Variants in DACH2 observed in about 807,000 individuals in gnomAD.
The protein encoded by DACH2 is dachshund family transcription factor 2.
In DACH2, 17 loss-of-function variants were observed where a neutral mutation model predicts 35.8. That is an observed-to-expected ratio of 0.48 (90% CI 0.33 to 0.71). The LOEUF is 0.71. Ranked by LOEUF, DACH2 falls within the 30% of genes least tolerant of loss-of-function variation. The probability of loss-of-function intolerance (pLI) is 0.02; values close to 1 mark genes in which losing one functional copy is unlikely to be tolerated. For synonymous variants in DACH2, 195 were observed against 177.3 expected (o/e 1.10, Z -0.79); for missense variants, 469 against 472.7 (o/e 0.99, Z 0.07).
intron 1 of DACH2, among the ~76,000 whole-genome samples, chrX:86,179,553 G>A (rs1352358924): frequency 2.7e-5 from 3 of 111,817 alleles, no homozygotes; most frequent in Non-Finnish European, 5.7e-5. Context: ...AGGCTAATAC[G>A]TACTATCCAT....
intron 5 of DACH2, among the ~76,000 whole-genome samples, chrX:86,701,092 A>T (rs944559101): frequency 2.7e-5 from 3 of 111,655 alleles, no homozygotes; most frequent in African/African-American, 9.8e-5. Flanking sequence ...TCCTTGATGA[A>T]CACAGTTGGA....
chrX:86,638,183 T>C (rs1176797282), intron 3 of DACH2, among the ~76,000 whole-genome samples: 1 of 111,847 alleles, frequency 8.9e-6, no homozygotes, highest in Non-Finnish European at 1.9e-5. Context: ...CCCTCTTCAA[T>C]GGTGCTGGGA....
intron 3 of DACH2, among the ~76,000 whole-genome samples, chrX:86,562,155 G>A (rs946484692): frequency 9.1e-6 from 1 of 110,342 alleles, no homozygotes; most frequent in African/African-American, 3.3e-5. Flanking sequence ...TTTTCATGGG[G>A]GTGGCCAGGT....
intron 2 of DACH2, among the ~76,000 whole-genome samples, chrX:86,405,544 GTC>G (rs1429300880): frequency 9.0e-6 from 1 of 111,362 alleles, no homozygotes; most frequent in Non-Finnish European, 1.9e-5. Flanking sequence ...CATTCAACAA[GTC>G]TCTAGGACGT....
chrX:86,203,580 G>T (rs1451177771), intron 1 of DACH2, among the ~76,000 whole-genome samples: 3 of 111,846 alleles, frequency 2.7e-5, no homozygotes, highest in African/African-American at 9.7e-5. Context: ...CAACCGAATT[G>T]TTTATCAACA....
At position 86,328,059 on chromosome X, in the gene DACH2, A is replaced by AT. The variant is rs910331295; in HGVS notation, c.489-48758dup. ...ACTTTATTTCTCAGCAGATTTCTTT[A>AT]TTTTTTTCATTTCTCATCAGAAATA... On this transcript the variant is annotated intron_variant, in intron 1 of 11. Transcript: ENST00000373125. Among the ~76,000 whole-genome samples, 17 of 110,431 alleles carry AT rather than the reference A, an allele frequency of 1.5e-4. 1 individual carries two copies. Among genetic ancestry groups the AT allele is most frequent in the East Asian group, 8.6e-4 (3 of 3,499 alleles).
chrX:86,459,129 T>C (rs914875296), intron 2 of DACH2, among the ~76,000 whole-genome samples: 1 of 112,074 alleles, frequency 8.9e-6, no homozygotes, highest in Non-Finnish European at 1.9e-5. Flanking sequence ...GTAAACATTC[T>C]GAATATAAAC....
At chrX:86,546,229 G>T (rs2038953667) in intron 3 of DACH2, among the ~76,000 whole-genome samples, 1 of 111,267 alleles carries the variant, frequency 9.0e-6, no homozygotes, top group Non-Finnish European at 1.9e-5. Context: ...AATTCCACCA[G>T]CAGATGGATT....
intron 2 of DACH2, among the ~76,000 whole-genome samples, chrX:86,476,772 G>C (rs763466498): frequency 4.5e-5 from 5 of 110,888 alleles, no homozygotes; most frequent in Non-Finnish European, 7.6e-5. Context: ...TCTTTTTATG[G>C]TGTAGGCACT....
At chrX:86,395,657 G>C (rs1488543902) in intron 2 of DACH2, among the ~76,000 whole-genome samples, 1 of 110,956 alleles carries the variant, frequency 9.0e-6, no homozygotes, top group African/African-American at 3.3e-5. Context: ...TTGTCCTTGC[G>C]ATAGTTTGCT....
At chrX:86,175,895 G>T (rs966288292) in intron 1 of DACH2, among the ~76,000 whole-genome samples, 1 of 111,160 alleles carries the variant, frequency 9.0e-6, no homozygotes, top group Non-Finnish European at 1.9e-5. Flanking sequence ...CTGTGAAATA[G>T]CTATCTGGGT....
intron 7 of DACH2, among the ~76,000 whole-genome samples, chrX:86,784,727 G>A (rs1238411642): frequency 8.9e-6 from 1 of 111,879 alleles, no homozygotes; most frequent in African/African-American, 3.2e-5. Flanking sequence ...GGAATCGACA[G>A]AAATGCTCAT....
intron 4 of DACH2, among the ~76,000 whole-genome samples, chrX:86,663,186 G>A (rs2040627201): frequency 9.0e-6 from 1 of 111,622 alleles, no homozygotes; most frequent in Non-Finnish European, 1.9e-5. Context: ...GGCACTCACT[G>A]TAGGAAATAT....
chrX:86,440,458 T>C, intron 2 of DACH2, among the ~76,000 whole-genome samples: 1 of 111,632 alleles, frequency 9.0e-6, no homozygotes, highest in Non-Finnish European at 1.9e-5. Context: ...TGTGTTAGCA[T>C]GGTACAACTT....
At chrX:86,254,807 T>TATATATAGAGAGAGAG (rs1380613474) in intron 1 of DACH2, among the ~76,000 whole-genome samples, 3 of 49,648 alleles carry the variant, frequency 6.0e-5, no homozygotes, top group African/African-American at 3.5e-4. Context: ...TATATATATA[T>TATATATAGAGAGAGAG]AGAGAGAGAG....
chrX:86,335,732 CT>C (rs2035295733), intron 1 of DACH2, among the ~76,000 whole-genome samples: 1 of 111,631 alleles, frequency 9.0e-6, no homozygotes, highest in Admixed American at 9.6e-5. Flanking sequence ...TATTTGAATA[CT>C]TTTTATTGCT....
chrX:86,370,469 C>T (rs759124154), intron 1 of DACH2, among the ~76,000 whole-genome samples: 8 of 111,579 alleles, frequency 7.2e-5, no homozygotes, highest in Non-Finnish European at 1.3e-4. Context: ...AGGACATGAT[C>T]ATCGACTGGA....
At chrX:86,821,182 A>G (rs1447890669) in intron 11 of DACH2, among the ~76,000 whole-genome samples, 1 of 110,987 alleles carries the variant, frequency 9.0e-6, no homozygotes. Context: ...ACCATTAATT[A>G]TTAATTTCCC....
At chrX:86,680,745 C>T (rs1470043285) in intron 4 of DACH2, among the ~76,000 whole-genome samples, 2 of 107,173 alleles carry the variant, frequency 1.9e-5, no homozygotes, top group Non-Finnish European at 3.8e-5. Context: ...CCTTGACCTC[C>T]TGGACTCAAG....
Sources: gnomAD v4.1 joint callset for allele counts (sites outside exome capture counted in the v4.1 genomes callset) on GRCh38, gnomAD v4.1.1 for gene constraint, MANE v1.5 for transcripts, NCBI Gene and HGNC (gene_info 2026-07-23, HGNC 2026-07-21) for gene names.